The following PPM1B variants were observed in gnomAD, a reference collection of about 807,000 sequenced individuals.
PPM1B encodes protein phosphatase 1B.
PPM1B carries 22 observed loss-of-function variants against 43.0 expected under a neutral mutation model. The ratio of observed to expected loss-of-function variants is 0.51; its 90% confidence interval spans 0.37 to 0.73. PPM1B has a LOEUF of 0.73. Among genes scored for constraint, PPM1B ranks in the 30% least tolerant of loss-of-function variants. The pLI, the probability that PPM1B is intolerant of heterozygous loss-of-function variation, is 0.00. For synonymous variants in PPM1B, 217 were observed against 197.9 expected, an observed-to-expected ratio of 1.10 and a Z score of -0.81; for missense variants, 632 against 584.2, an observed-to-expected ratio of 1.08 and a Z score of -0.84.
intron 1 of PPM1B, among the ~76,000 whole-genome samples, chr2:44,180,023 A>AC (rs1246567827): frequency 1.4e-5 from 2 of 138,630 alleles, no homozygotes; most frequent in African/African-American, 2.7e-5. Flanking sequence ...AAAAAAAAAA[A>AC]AAAAAGACTT....
downstream of PPM1B, chr2:44,232,539 C>G (rs1384438665): frequency 4.9e-6 from 7 of 1,433,120 alleles, no homozygotes; most frequent in East Asian, 1.5e-4. Context: ...GTAGCATTGC[C>G]TGTACTACAG....
At chr2:44,226,979 A>T (rs201581489) in intron 5 of PPM1B, among the ~76,000 whole-genome samples, 16,601 of 119,728 alleles carry the variant, frequency 0.14, 1,149 homozygotes, top group South Asian at 0.23. Context: ...TTTATGAATG[A>T]ATGAATGAAT....
downstream of PPM1B, among the ~76,000 whole-genome samples, chr2:44,244,895 T>C (rs951328683): frequency 1.3e-5 from 2 of 150,502 alleles, no homozygotes; most frequent in African/African-American, 4.9e-5. Flanking sequence ...TATATATACA[T>C]ATACACATGT....
At chr2:44,202,845 TACTC>T (rs984117023) in intron 2 of PPM1B, among the ~76,000 whole-genome samples, 11 of 152,300 alleles carry the variant, frequency 7.2e-5, no homozygotes, top group South Asian at 4.1e-4. Flanking sequence ...ATCTTTAAAA[TACTC>T]AGTTGTTTCA....
chr2:44,190,422 G>C (rs533654252), intron 1 of PPM1B, among the ~76,000 whole-genome samples: 1 of 152,256 alleles, frequency 6.6e-6, no homozygotes, highest in African/African-American at 2.4e-5. Context: ...GCCTCCCAAA[G>C]TGTTGGGATT....
chr2:44,179,731 G>A (rs948257072), intron 1 of PPM1B, among the ~76,000 whole-genome samples: 6 of 152,106 alleles, frequency 3.9e-5, no homozygotes, highest in South Asian at 4.1e-4. Context: ...TAACCTGGCC[G>A]GGCATGGTGG....
Position 44,201,503 on chromosome 2 carries a change from G to A in PPM1B, c.304G>A (p.Val102Ile). ...GSALELSVEN[V>I]KNGIRTGFLK... Reference sequence around the variant, plus strand: ...TGCTCTTGAGCTTTCAGTGGAAAATGTTAAGAATGGTATCAGAACTGGATT... The same window carrying A: ...TGCTCTTGAGCTTTCAGTGGAAAATATTAAGAATGGTATCAGAACTGGATT... Residue 102 changes from valine (V) to isoleucine (I), a missense_variant, in exon 2 of 6, where the codon GTT (valine) becomes ATT (isoleucine). Transcript: ENST00000282412. This position sits in a 1 kb window ranked among gnomAD's most constrained non-coding sequence, Gnocchi z 5.4. 1 of 1,614,204 alleles carries A rather than the reference G, an allele frequency of 6.2e-7. No homozygotes were observed.
intron 5 of PPM1B, among the ~76,000 whole-genome samples, chr2:44,227,753 C>T (rs1400697857): frequency 6.6e-6 from 1 of 151,784 alleles, no homozygotes; most frequent in Non-Finnish European, 1.5e-5. Context: ...CTGCTGACCT[C>T]AGGTGATCCA....
chr2:44,185,738 CTATTTT>C (rs1479914960), intron 1 of PPM1B, among the ~76,000 whole-genome samples: 2 of 152,150 alleles, frequency 1.3e-5, no homozygotes, highest in African/African-American at 4.8e-5. Flanking sequence ...AGTGACTAGC[CTATTTT>C]TATCAGTAAC....
chr2:44,187,886 A>G (rs1256006688), intron 1 of PPM1B, among the ~76,000 whole-genome samples: 1 of 151,846 alleles, frequency 6.6e-6, no homozygotes, highest in Non-Finnish European at 1.5e-5. Flanking sequence ...AGTAGCTGGG[A>G]CTTACAGGTG....
Position 44,215,187 on chromosome 2 carries a change from T to G in PPM1B, c.965-2780T>G, listed in dbSNP as rs533797352. On this transcript the variant is annotated intron_variant, in intron 3 of 5. Coordinates refer to ENST00000282412, the MANE Select transcript of PPM1B (RefSeq NM_002706.6). ...CTACAAATCAATTTAAGTTGGTACT[T>G]AAAATGTAACTTCACAGTAGCTTAC... Among the ~76,000 whole-genome samples the G allele has an allele frequency of 2.0e-5, 3 of 152,334 alleles. No homozygotes were observed. In the East Asian group the frequency reaches 5.8e-4, roughly 29 times the overall value.
chr2:44,230,698 A>T lies in PPM1B; in HGVS notation c.1420A>T (p.Met474Leu). ...CTCTAATGAAGATGCAGGGACAAAGATGAGTGGTGAAAAAATATGACTTTC... is the reference window on the plus strand; with the variant it reads ...CTCTAATGAAGATGCAGGGACAAAGTTGAGTGGTGAAAAAATATGACTTTC... ...DSSNEDAGTK[M>L]SGEKI Residue 474 changes from methionine to leucine, a missense_variant, in exon 6 of 6, where the codon ATG (methionine) becomes TTG (leucine). Physicochemically the swap from Met to Leu is conservative, Grantham distance 15. Around this residue, in one of 3 missense-constraint regions of PPM1B, gnomAD observed 392 missense variants for 302.7 expected, o/e 1.29. Transcript: ENST00000282412. 1.9e-6 allele frequency: 3 copies of T among 1,607,908 alleles called. No individual in the cohort carries two copies. The highest frequency in any genetic ancestry group is 2.6e-6 in the Non-Finnish European group (3 of 1,175,470).
At chr2:44,175,246 C>T (rs375454881) in intron 1 of PPM1B, among the ~76,000 whole-genome samples, 3 of 151,478 alleles carry the variant, frequency 2.0e-5, no homozygotes, top group South Asian at 2.1e-4. Context: ...AGTGAGACTC[C>T]GTCTCAAAAA....
chr2:44,201,044 T>C lies in PPM1B; in HGVS notation c.-14-142T>C. On this transcript the variant is annotated intron_variant, in intron 1 of 5. Coordinates refer to ENST00000282412, the MANE Select transcript of PPM1B (RefSeq NM_002706.6). The surrounding 1 kb of genome is among the most constrained non-coding windows in gnomAD (Gnocchi z 5.4). ...TGTAGGATGTAGGGGAGGAAATTTC[T>C]TGGGCTTTTGTTGTTGCTCCCGTAA... 1 of 841,550 alleles carries C rather than the reference T, an allele frequency of 1.2e-6. No individual in the cohort carries two copies. Among genetic ancestry groups the C allele is most frequent in the Non-Finnish European group, 1.7e-6 (1 of 576,008 alleles). The allele number at this position is 841,550 out of a possible 1,614,324, so 52.1% of individuals were successfully genotyped here.
intron 3 of PPM1B, among the ~76,000 whole-genome samples, chr2:44,211,377 G>C (rs540019953): frequency 4.6e-5 from 7 of 152,210 alleles, no homozygotes; most frequent in Admixed American, 2.0e-4. Flanking sequence ...GGAATGTGCA[G>C]CTTGGGTTGG....
downstream of PPM1B, among the ~76,000 whole-genome samples, chr2:44,246,087 A>G (rs2104300436): frequency 6.6e-6 from 1 of 152,194 alleles, no homozygotes; most frequent in Non-Finnish European, 1.5e-5. Context: ...CCTAACGCCA[A>G]CTGTATTCAC....
intron 3 of PPM1B, among the ~76,000 whole-genome samples, chr2:44,211,884 G>C (rs1669486307): frequency 6.6e-6 from 1 of 151,746 alleles, no homozygotes; most frequent in East Asian, 1.9e-4. Flanking sequence ...TGAGTAGCTG[G>C]GATTACAGGC....
chr2:44,209,431 C>CAA lies in PPM1B; in HGVS notation c.964+116_964+117dup, dbSNP rs61189208. 8,313 of 887,798 alleles carry CAA rather than the reference C, an allele frequency of 9.4e-3. 332 individuals are homozygous for CAA. In the African/African-American group the frequency reaches 0.12, roughly 13 times the overall value. The allele number at this position is 887,798 out of a possible 1,614,324, so 55.0% of individuals were successfully genotyped here. A position where few individuals can be genotyped will look rare whatever the true frequency, so the allele number is the denominator to read the frequency against. On this transcript the variant is annotated intron_variant, in intron 3 of 5. Coordinates refer to ENST00000282412, the MANE Select transcript of PPM1B (RefSeq NM_002706.6). Reference sequence around the variant, plus strand: ...TGGGCGACACACCAAGGCTCTGTCTCAAAAAAAAAAAAATTTAGAGAGGGA... The same window carrying CAA: ...TGGGCGACACACCAAGGCTCTGTCTCAAAAAAAAAAAAAAATTTAGAGAGGGA...
chr2:44,209,409 G>C, intron 3 of PPM1B, 82 bp downstream of exon 3: 2 of 1,457,152 alleles, frequency 1.4e-6, no homozygotes, highest in Admixed American at 2.3e-5. Flanking sequence ...TGTCGCCTGG[G>C]CGACACACCA....
Sources: allele counts gnomAD v4.1 joint callset (sites outside exome capture counted in the v4.1 genomes callset), GRCh38; gene constraint gnomAD v4.1.1; regional missense constraint gnomAD v4.1.1; non-coding constraint Gnocchi (gnomAD v3.1); transcripts MANE v1.5; gene names NCBI Gene and HGNC (gene_info 2026-07-23, HGNC 2026-07-21).